The following PPHLN1 variants were observed in gnomAD, a reference collection of about 807,000 sequenced individuals.
The protein encoded by PPHLN1 is periphilin-1.
In PPHLN1, 29 loss-of-function variants were observed where a neutral mutation model predicts 51.3. That is an observed-to-expected ratio of 0.57 (90% confidence interval 0.42 to 0.77). PPHLN1 has a LOEUF of 0.77. PPHLN1 is among the 30% of genes least tolerant of loss of function. The probability of loss-of-function intolerance (pLI) is 0.00; values close to 1 mark genes in which losing one functional copy is unlikely to be tolerated. For missense variants in PPHLN1, 436 were observed against 438.4 expected (o/e 0.99, Z 0.05); for synonymous variants, 147 against 147.8 (o/e 0.99, Z 0.04).
At chr12:42,378,729 T>C (rs1307459996) in intron 5 of PPHLN1, among the ~76,000 whole-genome samples, 1 of 152,180 alleles carries the variant, frequency 6.6e-6, no homozygotes, top group African/African-American at 2.4e-5. Flanking sequence ...TGTGCTCACA[T>C]ACATACACAC....
At chr12:42,419,104 A>G (rs1565992909) in intron 9 of PPHLN1, among the ~76,000 whole-genome samples, 1 of 152,168 alleles carries the variant, frequency 6.6e-6, no homozygotes, top group Non-Finnish European at 1.5e-5. Flanking sequence ...GTTACCTAGC[A>G]CCCCAAACTT....
At chr12:42,337,295 C>G (rs1455083094) in intron 2 of PPHLN1, among the ~76,000 whole-genome samples, 10 of 144,522 alleles carry the variant, frequency 6.9e-5, no homozygotes, top group Non-Finnish European at 1.3e-4. Context: ...TGGAGTTTCA[C>G]TCTTGTCACC....
intron 9 of PPHLN1, among the ~76,000 whole-genome samples, chr12:42,419,055 A>C (rs535205277): frequency 2.5e-4 from 38 of 152,328 alleles, no homozygotes; most frequent in Admixed American, 5.9e-4. Context: ...TAAAAATAAA[A>C]TTTAAAATAA....
intron 1 of PPHLN1, among the ~76,000 whole-genome samples, chr12:42,334,265 G>C (rs2070256019): frequency 6.6e-6 from 1 of 152,142 alleles, no homozygotes; most frequent in Admixed American, 6.5e-5. Flanking sequence ...TTTTATTCAT[G>C]CATAATGTTA....
rs2137799931 is a variant in PPHLN1, at chr12:42,335,896, A to T, written c.-7A>T. On this transcript the variant is annotated 5_prime_UTR_variant, in exon 2 of 10. Transcript: ENST00000358314. ...TTTTTTCTTTAGTGGCTTACAGAAG[A>T]GACGAAATGTGGTCTGAGGGACGAT... is the stretch of plus-strand genomic sequence containing the variant. 2.6e-6 allele frequency: 4 copies of T among 1,559,760 alleles called. No individual in the cohort carries two copies. The South Asian group carries it at 3.7e-5, about 14-fold the overall frequency.
At chr12:42,368,951 A>G (rs2075543310) in intron 4 of PPHLN1, among the ~76,000 whole-genome samples, 1 of 152,240 alleles carries the variant, frequency 6.6e-6, no homozygotes, top group South Asian at 2.1e-4. Context: ...TTGTGCTTGA[A>G]AACTTTCAGG....
intron 5 of PPHLN1, among the ~76,000 whole-genome samples, chr12:42,376,028 T>G (rs1052149927): frequency 6.6e-6 from 1 of 152,208 alleles, no homozygotes; most frequent in African/African-American, 2.4e-5. Context: ...AATTGATATG[T>G]CATAAATGAG....
chr12:42,444,194 C>G (rs1426904255), downstream of PPHLN1: 1 of 152,002 alleles, frequency 6.6e-6, no homozygotes, highest in African/African-American at 2.4e-5. Flanking sequence ...TACTAACTTC[C>G]TGGTCAATAA....
chr12:42,439,809 G>C (rs900705716), intron 9 of PPHLN1, among the ~76,000 whole-genome samples: 50 of 152,202 alleles, frequency 3.3e-4, no homozygotes, highest in Non-Finnish European at 2.9e-5. Context: ...ACAGGCGTGA[G>C]CCACCTTTAC....
At chr12:42,330,256 A>G (rs1185515356) in intron 1 of PPHLN1, among the ~76,000 whole-genome samples, 2 of 152,204 alleles carry the variant, frequency 1.3e-5, no homozygotes, top group South Asian at 2.1e-4. Flanking sequence ...ATACCGAGAC[A>G]TTCCGTTTCC....
At chr12:42,406,516 T>G (rs2079323670) in intron 9 of PPHLN1, among the ~76,000 whole-genome samples, 1 of 152,220 alleles carries the variant, frequency 6.6e-6, no homozygotes, top group Admixed American at 6.5e-5. Context: ...TTAATTTGCA[T>G]TTGCCTGATT....
At chr12:42,362,573 G>A (rs1259765515) in intron 4 of PPHLN1, among the ~76,000 whole-genome samples, 1 of 152,130 alleles carries the variant, frequency 6.6e-6, no homozygotes, top group Admixed American at 6.6e-5. Context: ...GTTTCTCCAA[G>A]GAGCACGGGC....
At chr12:42,390,660 G>A (rs1164035786) in intron 7 of PPHLN1, among the ~76,000 whole-genome samples, 2 of 146,818 alleles carry the variant, frequency 1.4e-5, no homozygotes, top group Non-Finnish European at 3.0e-5. Context: ...AAAACATTAC[G>A]TGATTTTTTC....
intron 9 of PPHLN1, among the ~76,000 whole-genome samples, chr12:42,422,647 A>G (rs190156385): frequency 1.2e-3 from 177 of 152,372 alleles, no homozygotes; most frequent in African/African-American, 4.1e-3. Flanking sequence ...TTCAAATTTA[A>G]AAAATCAATT....
chr12:42,342,360 T>TC (rs1305515849), intron 2 of PPHLN1, among the ~76,000 whole-genome samples: 2 of 152,168 alleles, frequency 1.3e-5, no homozygotes, highest in Admixed American at 1.3e-4. Flanking sequence ...GCTCAAGTGA[T>TC]CCTCTCACCT....
chr12:42,446,523 C>G, downstream of PPHLN1: 3 of 1,563,592 alleles, frequency 1.9e-6, no homozygotes, highest in Non-Finnish European at 2.6e-6. Context: ...TCCTGGGGGT[C>G]GCTTCTTAGT....
intron 2 of PPHLN1, among the ~76,000 whole-genome samples, chr12:42,342,219 T>C (rs900389929): frequency 5.9e-5 from 9 of 151,696 alleles, no homozygotes; most frequent in African/African-American, 2.2e-4. Flanking sequence ...TCAAGTTTTG[T>C]GACAGAATGG....
chr12:42,398,998 A>G lies in PPHLN1; in HGVS notation c.909+4A>G, dbSNP rs201571878. On this transcript the variant is annotated splice_donor_region_variant and intron_variant, in intron 9 of 9. Transcript: ENST00000358314. ...AAAAACCAAAGAGATTGAACAGGTG[A>G]GAGTCTAGTTGTCTTCATGTACATA... 3.2e-5 allele frequency: 52 copies of G among 1,613,136 alleles called. No individual in the cohort carries two copies. Among genetic ancestry groups the G allele is most frequent in the Admixed American group, 1.7e-5 (1 of 59,982 alleles).
downstream of PPHLN1, chr12:42,442,652 C>T: frequency 1.2e-6 from 2 of 1,614,146 alleles, no homozygotes; most frequent in Non-Finnish European, 1.7e-6. Flanking sequence ...GTCTGCAGGA[C>T]AGACTTGGCA....
Sources: gnomAD v4.1 joint callset for allele counts (sites outside exome capture counted in the v4.1 genomes callset) on GRCh38, gnomAD v4.1.1 for gene constraint, MANE v1.5 for transcripts, NCBI Gene and HGNC (gene_info 2026-07-23, HGNC 2026-07-21) for gene names.